Variants in TMEM117 observed in about 807,000 individuals in gnomAD.
The protein encoded by TMEM117 is transmembrane protein 117.
TMEM117 carries 27 observed loss-of-function variants against 52.4 expected under a neutral mutation model. That is an observed-to-expected ratio of 0.51 (90% CI 0.38 to 0.71). TMEM117 has a LOEUF of 0.71. Ranked by LOEUF, TMEM117 falls within the 30% of genes least tolerant of loss-of-function variation. The pLI, the probability that TMEM117 is intolerant of heterozygous loss-of-function variation, is 0.00. For synonymous variants in TMEM117, 215 were observed against 206.3 expected, an observed-to-expected ratio of 1.04 and a Z score of -0.36; for missense variants, 556 against 630.5, an observed-to-expected ratio of 0.88 and a Z score of 1.26.
the TMEM117 span, chr12:43,797,199 A>C: frequency 6.7e-7 from 1 of 1,482,104 alleles, no homozygotes; most frequent in Admixed American, 2.2e-5. Flanking sequence ...AAACTTCATA[A>C]AACTACAGCT....
intron 6 of TMEM117, among the ~76,000 whole-genome samples, chr12:44,312,546 A>C (rs577166919): frequency 2.0e-5 from 3 of 151,926 alleles, no homozygotes; most frequent in Non-Finnish European, 4.4e-5. Flanking sequence ...GTCTTTTGCT[A>C]TTGTGAATAG....
the TMEM117 span, chr12:43,806,140 C>G: frequency 6.5e-7 from 1 of 1,530,130 alleles, no homozygotes; most frequent in Non-Finnish European, 8.8e-7. Context: ...CCGACTCCAG[C>G]CCTGCCGGTC....
the TMEM117 span, among the ~76,000 whole-genome samples, chr12:43,796,225 G>C: frequency 1.3e-5 from 2 of 152,202 alleles, no homozygotes; most frequent in East Asian, 3.9e-4. Context: ...ATGTGGCTTG[G>C]CAAAGCCTTT....
intron 3 of TMEM117, among the ~76,000 whole-genome samples, chr12:44,000,631 G>T (rs565087527): frequency 3.7e-4 from 56 of 152,236 alleles, no homozygotes; most frequent in African/African-American, 1.3e-3. Context: ...CTGTACCTCC[G>T]GGACACTGGA....
intron 6 of TMEM117, among the ~76,000 whole-genome samples, chr12:44,353,333 G>A (rs1951594532): frequency 6.6e-6 from 1 of 152,142 alleles, no homozygotes. Flanking sequence ...GTCTTTGGTT[G>A]CCATTGCTTT....
At chr12:43,971,540 C>T (rs1945587252) in intron 3 of TMEM117, among the ~76,000 whole-genome samples, 1 of 152,208 alleles carries the variant, frequency 6.6e-6, no homozygotes, top group Non-Finnish European at 1.5e-5. Flanking sequence ...ACCCTCCACG[C>T]CTTCACTGCC....
At chr12:43,834,893 A>G (rs114376573), upstream of TMEM117, among the ~76,000 whole-genome samples, 584 of 152,272 alleles carry the variant, frequency 3.8e-3, 6 homozygotes, top group African/African-American at 0.013. Flanking sequence ...AAACTACCCT[A>G]TGGCACTTGG....
upstream of TMEM117, chr12:43,836,014 G>T (rs2137331651): frequency 6.6e-6 from 1 of 151,386 alleles, no homozygotes; most frequent in South Asian, 2.1e-4. Flanking sequence ...CGCGGAGGGC[G>T]CCCGGCGTAG....
chr12:44,391,722 C>G (rs1317367351), downstream of TMEM117, among the ~76,000 whole-genome samples: 1 of 152,150 alleles, frequency 6.6e-6, no homozygotes, highest in East Asian at 1.9e-4. Context: ...ACTGATAATT[C>G]AGGAGGCCAA....
intron 7 of TMEM117, 44 bp downstream of exon 7, chr12:44,376,768 A>G (rs1380767879): frequency 2.6e-6 from 4 of 1,553,006 alleles, no homozygotes; most frequent in Non-Finnish European, 3.5e-6. Flanking sequence ...TTCGTACATT[A>G]GTTAGGGTAA....
Position 44,388,625 on chromosome 12 carries a change from G to A in TMEM117, c.1498G>A (p.Glu500Lys). Reference protein sequence around the residue: ...SQLNESTSATEADQDPTTSKS... With the variant: ...SQLNESTSATKADQDPTTSKS... ...GTTGAACGAATCTACTAGTGCAACA[G>A]AAGCTGATCAAGACCCAACGACTTC... The change falls in exon 8 of 8, where the codon GAA becomes AAA. Residue 500 changes from glutamate (E) to lysine (K), a missense_variant. Glu to Lys is a moderately conservative substitution (Grantham distance 56, BLOSUM62 1). Coordinates refer to ENST00000266534, the MANE Select transcript of TMEM117 (RefSeq NM_032256.3). 6.2e-7 allele frequency: 1 copy of A among 1,613,470 alleles called. No homozygotes were observed. Among genetic ancestry groups the A allele is most frequent in the Non-Finnish European group, 8.5e-7 (1 of 1,179,550 alleles).
chr12:44,211,482 C>CCCTCTAGA, intron 5 of TMEM117, 95 bp downstream of exon 5: 1 of 804,094 alleles, frequency 1.2e-6, no homozygotes, highest in Non-Finnish European at 2.0e-6. Context: ...AGAATTCTAT[C>CCCTCTAGA]TAGAGGGACA....
At chr12:44,055,504 T>C (rs1010038781) in intron 3 of TMEM117, among the ~76,000 whole-genome samples, 1 of 151,996 alleles carries the variant, frequency 6.6e-6, no homozygotes, top group African/African-American at 2.4e-5. Context: ...TTAGGAAAAA[T>C]AATCAGTGAA....
intron 6 of TMEM117, among the ~76,000 whole-genome samples, chr12:44,353,783 CT>C (rs1951602499): frequency 6.6e-6 from 1 of 152,062 alleles, no homozygotes; most frequent in Non-Finnish European, 1.5e-5. Flanking sequence ...GATGTGGGCT[CT>C]TTTTTGGTTC....
chr12:44,319,972 C>T (rs1951109653), intron 6 of TMEM117, among the ~76,000 whole-genome samples: 2 of 152,156 alleles, frequency 1.3e-5, no homozygotes, highest in South Asian at 4.1e-4. Flanking sequence ...CTGTTCACTG[C>T]CATGGCCTAA....
chr12:43,865,988 A>G (rs1398736696), intron 2 of TMEM117, among the ~76,000 whole-genome samples: 1 of 151,932 alleles, frequency 6.6e-6, no homozygotes, highest in Non-Finnish European at 1.5e-5. Flanking sequence ...CCCATAGTCC[A>G]GAGAAAAAGT....
chr12:44,244,976 C>G lies in TMEM117; in HGVS notation c.608+33589C>G, dbSNP rs374390055. Among the ~76,000 whole-genome samples, 3 of 152,106 alleles carry G rather than the reference C, an allele frequency of 2.0e-5. No individual in the cohort carries two copies. The East Asian group carries it at 5.8e-4, about 29-fold the overall frequency. On this transcript the variant is annotated intron_variant, in intron 5 of 7. Transcript: ENST00000266534. ...TTTCCTTATTGTATGTTCTTGTCTT[C>G]TTTGTCAAAAATCAATTGACTATAA... is the stretch of plus-strand genomic sequence containing the variant.
At chr12:44,311,899 A>C (rs60046031) in intron 6 of TMEM117, among the ~76,000 whole-genome samples, 2 of 132,684 alleles carry the variant, frequency 1.5e-5, no homozygotes, top group Admixed American at 1.5e-4. Context: ...ATATATGTGT[A>C]TATATATATG....
intron 3 of TMEM117, among the ~76,000 whole-genome samples, chr12:44,097,492 T>C (rs1592513276): frequency 6.6e-6 from 1 of 151,844 alleles, no homozygotes; most frequent in African/African-American, 2.4e-5. Context: ...TAGACTGGAT[T>C]AAGAAAATGT....
Sources: gnomAD v4.1 joint callset for allele counts (sites outside exome capture counted in the v4.1 genomes callset) on GRCh38, gnomAD v4.1.1 for gene constraint, MANE v1.5 for transcripts, NCBI Gene and HGNC (gene_info 2026-07-23, HGNC 2026-07-21) for gene names.